The following XRN1 variants were observed in gnomAD, a reference collection of about 807,000 sequenced individuals.
The protein encoded by XRN1 is 5'-3' exoribonuclease 1.
In XRN1, 67 loss-of-function variants were observed where a neutral mutation model predicts 222.3. That is an observed-to-expected ratio of 0.30 (90% CI 0.25 to 0.37). The LOEUF (loss-of-function observed/expected upper bound fraction) is 0.37. XRN1 is among the 10% of genes least tolerant of loss of function. The pLI is 1.00. For synonymous variants in XRN1, 643 were observed against 652.4 expected (o/e 0.99, Z 0.22); for missense variants, 1,707 against 2,000.2 (o/e 0.85, Z 2.80).
intron 20 of XRN1, among the ~76,000 whole-genome samples, chr3:142,397,001 C>T (rs1332670288): frequency 6.6e-6 from 1 of 152,164 alleles, no homozygotes; most frequent in African/African-American, 2.4e-5. Context: ...TCATGACTTA[C>T]ATGTGGCCAA....
chr3:142,385,493 A>G (rs1337702532), intron 20 of XRN1, among the ~76,000 whole-genome samples: 1 of 152,186 alleles, frequency 6.6e-6, no homozygotes, highest in African/African-American at 2.4e-5. Flanking sequence ...AGTAATTCAG[A>G]CAGCCTCCTA....
intron 14 of XRN1, among the ~76,000 whole-genome samples, chr3:142,413,073 G>A (rs2068648991): frequency 6.6e-6 from 1 of 151,960 alleles, no homozygotes; most frequent in African/African-American, 2.4e-5. Context: ...ATGTCCTGAA[G>A]AACTGATTCT....
intron 40 of XRN1, 126 bp from the exon 41 acceptor site, chr3:142,311,939 T>A: frequency 7.3e-6 from 7 of 960,312 alleles, no homozygotes; most frequent in Non-Finnish European, 1.1e-5. Flanking sequence ...CTTCCACTTA[T>A]AATTGCCAAG....
At chr3:142,412,315 C>T (rs1220595406) in intron 15 of XRN1, among the ~76,000 whole-genome samples, 4 of 152,080 alleles carry the variant, frequency 2.6e-5, no homozygotes, top group African/African-American at 9.7e-5. Context: ...TCTTTATCTC[C>T]GGTAATATTA....
intron 22 of XRN1, among the ~76,000 whole-genome samples, chr3:142,381,215 T>C (rs746282107): frequency 2.0e-4 from 30 of 152,168 alleles, no homozygotes; most frequent in Non-Finnish European, 3.8e-4. Context: ...TACTTATACA[T>C]AGTTATCTTT....
At chr3:142,342,159 G>A (rs879314152) in intron 33 of XRN1, among the ~76,000 whole-genome samples, 1 of 151,978 alleles carries the variant, frequency 6.6e-6, no homozygotes, top group Admixed American at 6.6e-5. Flanking sequence ...ATATGTTAAC[G>A]GCAAACAATC....
Position 142,329,585 on chromosome 3 carries a change from T to C in XRN1, c.4253A>G (p.Asn1418Ser), listed in dbSNP as rs765253967. ...CATAGACTGAACATTATGGTACTCATTAGCACTGTGAGGCTTGTTCATATA... is the reference window on the plus strand; with the variant it reads ...CATAGACTGAACATTATGGTACTCACTAGCACTGTGAGGCTTGTTCATATA... ...ASYMNKPHSA[N>S]EYHNVQSMDN... The change falls in exon 37 of 41, where the codon AAT becomes AGT. Residue 1418 changes from asparagine to serine, a missense_variant. By Grantham distance (46) the Asn-to-Ser change is conservative. Transcript: ENST00000392981. The C allele has an allele frequency of 1.9e-6, 3 of 1,557,896 alleles. No individual in the cohort carries two copies. Among genetic ancestry groups the C allele is most frequent in the African/African-American group, 1.4e-5 (1 of 71,062 alleles).
At chr3:142,396,338 A>G (rs2067931118) in intron 20 of XRN1, among the ~76,000 whole-genome samples, 1 of 152,210 alleles carries the variant, frequency 6.6e-6, no homozygotes. Flanking sequence ...ACTAACCAAT[A>G]AATTGGAATA....
chr3:142,327,860 A>G lies in XRN1; in HGVS notation c.4404+1574T>C, dbSNP rs181911077. On this transcript the variant is annotated intron_variant, in intron 37 of 40. Coordinates refer to ENST00000392981, the MANE Select transcript of XRN1 (RefSeq NM_001282857.2). ...CCATCCCCCACCCTTCCAAGTCTCT[A>G]TTATTTCACACTCTATATCCCTATG... Among the ~76,000 whole-genome samples the G allele has an allele frequency of 3.9e-4, 60 of 152,120 alleles. 1 individual carries two copies. In the East Asian group the frequency reaches 0.012, roughly 29 times the overall value.
Position 142,318,604 on chromosome 3 carries a change from G to A in XRN1, c.4609C>T (p.Pro1537Ser), listed in dbSNP as rs1172698621. Reference sequence around the variant, plus strand: ...AAAAATATCTTACCAGTAGGTGGGGGAAAGGCTGGAGGAATGGTTCCAGGT... The same window carrying A: ...AAAAATATCTTACCAGTAGGTGGGGAAAAGGCTGGAGGAATGGTTCCAGGT... Reference protein sequence around the residue: ...VPPGTIPPAFPPPTANIMPSS... With the variant: ...VPPGTIPPAFSPPTANIMPSS... Residue 1537 changes from proline to serine, a missense_variant, in exon 39 of 41, where the codon CCC becomes TCC. Physicochemically the swap from Pro to Ser is moderately conservative, Grantham distance 74. This residue lies in a region of XRN1 where 473 missense variants were observed against 482.0 expected (regional missense o/e 0.98). Transcript: ENST00000392981. The A allele has an allele frequency of 6.2e-7, 1 of 1,605,712 alleles. No individual in the cohort carries two copies. The highest frequency in any genetic ancestry group is 8.5e-7 in the Non-Finnish European group (1 of 1,176,596).
At chr3:142,400,319 A>G (rs2108015579) in intron 19 of XRN1, 125 bp downstream of exon 19, 1 of 703,420 alleles carries the variant, frequency 1.4e-6, no homozygotes, top group Non-Finnish European at 2.2e-6. Flanking sequence ...GACGACTTTC[A>G]TTTTTGGTAC....
chr3:142,375,120 T>G (rs1299047777), intron 25 of XRN1, among the ~76,000 whole-genome samples: 1 of 152,202 alleles, frequency 6.6e-6, no homozygotes, highest in East Asian at 1.9e-4. Context: ...GATTTTGGAC[T>G]TCTGGTCACC....
At chr3:142,350,327 C>G (rs1173883180) in intron 32 of XRN1, among the ~76,000 whole-genome samples, 1 of 151,974 alleles carries the variant, frequency 6.6e-6, no homozygotes, top group Admixed American at 6.6e-5. Context: ...CAGACAAACT[C>G]AAAGGCCCTG....
At chr3:142,364,206 G>A (rs1345311239) in intron 29 of XRN1, among the ~76,000 whole-genome samples, 1 of 152,192 alleles carries the variant, frequency 6.6e-6, no homozygotes, top group Non-Finnish European at 1.5e-5. Context: ...GTTCTCTTCA[G>A]CTAGTGGCCC....
rs2065062550 is a variant in XRN1 at position 142,310,997 on chromosome 3, A to AC, written c.*513dup. 6.5e-6 allele frequency: 1 copy of AC among 152,874 alleles called. No individual in the cohort carries two copies. Among genetic ancestry groups the AC allele is most frequent in the Admixed American group, 6.5e-5 (1 of 15,300 alleles). The allele number at this position is 152,874 out of a possible 1,614,324, so 9.5% of individuals were successfully genotyped here. ...GGCAACAAAGCATAAGTTAAAACAC[A>AC]CATAAATAAGAGCCATTCTCCTGAC... On this transcript the variant is annotated 3_prime_UTR_variant, in exon 41 of 41. Transcript: ENST00000392981.
intron 29 of XRN1, among the ~76,000 whole-genome samples, chr3:142,362,867 C>T (rs1041054190): frequency 6.6e-6 from 1 of 151,270 alleles, no homozygotes; most frequent in Admixed American, 6.6e-5. Flanking sequence ...ATCTCCTGGG[C>T]TCAAGTGATT....
Position 142,362,512 on chromosome 3 carries a change from A to G in XRN1, c.3394+2535T>C, listed in dbSNP as rs1048458341. 3.3e-5 allele frequency among the ~76,000 whole-genome samples: 5 copies of G among 152,094 alleles called. No individual in the cohort carries two copies. The South Asian group carries it at 6.2e-4, about 19-fold the overall frequency. ...GGTCTTGAACTCCTGACTTCAAGTG[A>G]TCCACCCGCCTTGGCCTCCCAAAGT... On this transcript the variant is annotated intron_variant, in intron 29 of 40. Coordinates refer to ENST00000392981, the MANE Select transcript of XRN1 (RefSeq NM_001282857.2).
rs2065056548 is a variant in XRN1, at chr3:142,310,720, TAGA to T, written c.*788_*790del. 6.6e-6 allele frequency: 1 copy of T among 152,650 alleles called. No individual in the cohort carries two copies. The highest frequency in any genetic ancestry group is 6.5e-5 in the Admixed American group (1 of 15,270). The allele number at this position is 152,650 out of a possible 1,614,324, so 9.5% of individuals were successfully genotyped here. On this transcript the variant is annotated 3_prime_UTR_variant, in exon 41 of 41. Coordinates refer to ENST00000392981, the MANE Select transcript of XRN1 (RefSeq NM_001282857.2). The stretch of plus-strand genomic sequence containing the variant: ...ACTAATATTTCATATTTTATTTTGT[TAGA>T]AGATTAATTTGTAATCATTGTACCC...
intron 15 of XRN1, among the ~76,000 whole-genome samples, chr3:142,412,114 G>A (rs531144953): frequency 3.9e-5 from 6 of 152,146 alleles, no homozygotes; most frequent in East Asian, 3.9e-4. Context: ...GTGAGCCACC[G>A]CGCCCGGCCA....
Sources: gnomAD v4.1 joint callset for allele counts (sites outside exome capture counted in the v4.1 genomes callset) on GRCh38, gnomAD v4.1.1 for gene constraint, gnomAD v4.1.1 regional missense constraint, MANE v1.5 for transcripts, NCBI Gene and HGNC (gene_info 2026-07-23, HGNC 2026-07-21) for gene names.